Variants in CNTN5 observed in about 807,000 individuals in gnomAD.
The protein encoded by CNTN5 is contactin-5.
CNTN5 carries 77 observed loss-of-function variants against 129.1 expected under a neutral mutation model. That is an observed-to-expected ratio of 0.60 (90% CI 0.50 to 0.72). The LOEUF (loss-of-function observed/expected upper bound fraction) is 0.72, where lower values mean the gene tolerates loss of function less well. Ranked by LOEUF, CNTN5 falls within the 30% of genes least tolerant of loss-of-function variation. The pLI is 0.00. For synonymous variants in CNTN5, 509 were observed against 465.6 expected, an observed-to-expected ratio of 1.09 and a Z score of -1.20; for missense variants, 1,478 against 1,328.8, an observed-to-expected ratio of 1.11 and a Z score of -1.75.
At chr11:99,157,167 T>C (rs1162844005) in intron 1 of CNTN5, among the ~76,000 whole-genome samples, 1 of 152,082 alleles carries the variant, frequency 6.6e-6, no homozygotes, top group Non-Finnish European at 1.5e-5. Context: ...ACTTTGCCTA[T>C]GTAAATGATC....
chr11:100,065,582 G>A (rs1943664678), intron 10 of CNTN5, among the ~76,000 whole-genome samples: 1 of 151,830 alleles, frequency 6.6e-6, no homozygotes, highest in Non-Finnish European at 1.5e-5. Context: ...AAAATATTAA[G>A]GAACTTATTA....
intron 13 of CNTN5, among the ~76,000 whole-genome samples, chr11:100,084,154 G>A (rs1164631881): frequency 1.3e-5 from 2 of 152,122 alleles, no homozygotes; most frequent in Admixed American, 1.3e-4. Flanking sequence ...TGCTTCACAA[G>A]TTGCCTGGTT....
chr11:99,108,551 T>A (rs1857629283), intron 1 of CNTN5, among the ~76,000 whole-genome samples: 1 of 152,138 alleles, frequency 6.6e-6, no homozygotes, highest in South Asian at 2.1e-4. Context: ...CACGACATGG[T>A]TTAGTTTTAT....
chr11:99,340,869 A>G (rs1866480653), intron 2 of CNTN5, among the ~76,000 whole-genome samples: 1 of 152,188 alleles, frequency 6.6e-6, no homozygotes, highest in African/African-American at 2.4e-5. Context: ...ATATAATTCC[A>G]TTGATTTTCT....
chr11:100,351,368 C>T (rs1952407709), intron 24 of CNTN5, among the ~76,000 whole-genome samples: 1 of 151,210 alleles, frequency 6.6e-6, no homozygotes. Flanking sequence ...TTCACTGACC[C>T]TTATTATATG....
At chr11:99,513,445 G>T (rs1184961123) in intron 2 of CNTN5, among the ~76,000 whole-genome samples, 2 of 152,088 alleles carry the variant, frequency 1.3e-5, no homozygotes, top group African/African-American at 4.8e-5. Flanking sequence ...GCCTTCTGTT[G>T]GAAGAAGATG....
intron 8 of CNTN5, among the ~76,000 whole-genome samples, chr11:99,965,096 C>G (rs1200290311): frequency 6.6e-6 from 1 of 152,042 alleles, no homozygotes; most frequent in Non-Finnish European, 1.5e-5. Context: ...TTTTGTTGAT[C>G]TTTTCAAAAA....
chr11:99,204,379 C>A (rs188104044), intron 1 of CNTN5, among the ~76,000 whole-genome samples: 205 of 152,236 alleles, frequency 1.3e-3, no homozygotes, highest in African/African-American at 4.8e-3. Context: ...ATACGTGTGA[C>A]TAAAGAAAAT....
At chr11:99,545,841 G>T (rs1948273335) in intron 2 of CNTN5, among the ~76,000 whole-genome samples, 1 of 152,168 alleles carries the variant, frequency 6.6e-6, no homozygotes, top group Non-Finnish European at 1.5e-5. Flanking sequence ...TCCGTAAGTT[G>T]CACATTTTGG....
intron 7 of CNTN5, among the ~76,000 whole-genome samples, chr11:99,935,277 C>A (rs1189223065): frequency 6.6e-6 from 1 of 151,472 alleles, no homozygotes; most frequent in Non-Finnish European, 1.5e-5. Context: ...TTCTTAGTTC[C>A]CCCAAGAATG....
chr11:99,048,605 G>A (rs1329643074), intron 1 of CNTN5, among the ~76,000 whole-genome samples: 1 of 151,976 alleles, frequency 6.6e-6, no homozygotes, highest in African/African-American at 2.4e-5. Context: ...TATTTTTCTG[G>A]TGCCTTTCTA....
At chr11:99,099,609 C>T (rs1866628648) in intron 1 of CNTN5, among the ~76,000 whole-genome samples, 1 of 151,840 alleles carries the variant, frequency 6.6e-6, no homozygotes, top group Non-Finnish European at 1.5e-5. Flanking sequence ...GTGCTGCACA[C>T]ATATTATACA....
chr11:99,697,874 T>A (rs937216673), intron 3 of CNTN5, among the ~76,000 whole-genome samples: 4 of 151,706 alleles, frequency 2.6e-5, no homozygotes, highest in African/African-American at 9.7e-5. Context: ...TTAAAAGCAA[T>A]CATGGGGACC....
chr11:99,493,911 A>G (rs1173523485), intron 2 of CNTN5, among the ~76,000 whole-genome samples: 3 of 152,322 alleles, frequency 2.0e-5, no homozygotes, highest in African/African-American at 7.2e-5. Flanking sequence ...AGCAATCTAT[A>G]TAGTCATGTA....
At chr11:100,207,901 A>C (rs1223358971) in intron 15 of CNTN5, among the ~76,000 whole-genome samples, 1 of 152,218 alleles carries the variant, frequency 6.6e-6, no homozygotes, top group African/African-American at 2.4e-5. Context: ...TTTGTAAAAT[A>C]ATCAGGCAGG....
At chr11:99,359,887 G>GA (rs1938982883) in intron 2 of CNTN5, among the ~76,000 whole-genome samples, 1 of 151,958 alleles carries the variant, frequency 6.6e-6, no homozygotes, top group Non-Finnish European at 1.5e-5. Flanking sequence ...AAGTATATAT[G>GA]AAAAAAACTT....
At chr11:99,700,544 T>C (rs1954473675) in intron 3 of CNTN5, among the ~76,000 whole-genome samples, 1 of 151,400 alleles carries the variant, frequency 6.6e-6, no homozygotes, top group East Asian at 1.9e-4. Flanking sequence ...GTTAGGCAGA[T>C]ATTAGCAGGT....
At chr11:99,045,507 C>T (rs140813067) in intron 1 of CNTN5, among the ~76,000 whole-genome samples, 10 of 152,286 alleles carry the variant, frequency 6.6e-5, no homozygotes, top group Non-Finnish European at 8.8e-5. Flanking sequence ...TCTGTATGTA[C>T]AAACTTTATT....
At position 99,881,413 on chromosome 11, in the gene CNTN5, T is replaced by C. The variant is rs138628862; in HGVS notation, c.578-34641T>C. On this transcript the variant is annotated intron_variant, in intron 6 of 24. Transcript: ENST00000524871. ...ATGAAATGATTTATGTAAGTGATAT[T>C]TATGATTTTACATGGGGAATGTATG... 6.8e-3 allele frequency among the ~76,000 whole-genome samples: 1,030 copies of C among 152,298 alleles called. 10 individuals are homozygous for C. Among genetic ancestry groups the C allele is most frequent in the African/African-American group, 0.023 (967 of 41,546 alleles).
Sources: allele counts gnomAD v4.1 joint callset (sites outside exome capture counted in the v4.1 genomes callset), GRCh38; gene constraint gnomAD v4.1.1; transcripts MANE v1.5; gene names NCBI Gene and HGNC (gene_info 2026-07-23, HGNC 2026-07-21).